The following CPXM2 variants were observed in gnomAD, a reference collection of about 807,000 sequenced individuals.
The protein encoded by CPXM2 is carboxypeptidase X, M14 family member 2.
Under a neutral mutation model 86.1 loss-of-function variants are expected in CPXM2, and 66 were observed. The ratio of observed to expected loss-of-function variants is 0.77; its 90% CI spans 0.63 to 0.94. CPXM2 has a LOEUF of 0.94. CPXM2 is among the 40% of genes least tolerant of loss of function. CPXM2 has a pLI of 0.00. For missense variants in CPXM2, 948 were observed against 1,026.3 expected (o/e 0.92, Z 1.04); for synonymous variants, 388 against 400.2 (o/e 0.97, Z 0.36).
intron 2 of CPXM2, among the ~76,000 whole-genome samples, chr10:123,871,504 C>T (rs1944896017): frequency 6.6e-6 from 1 of 152,190 alleles, no homozygotes; most frequent in South Asian, 2.1e-4. Context: ...CTATTATCAG[C>T]TTCAGAAATT....
Position 123,766,498 on chromosome 10 carries a change from A to T in CPXM2, c.1479+475T>A, listed in dbSNP as rs186234160. ...ATGGGAGAATTATTTCTTCTACAAC[A>T]TACTCTTTGTAAAACAAGACCTAAG... On this transcript the variant is annotated intron_variant, in intron 10 of 13. Coordinates refer to ENST00000241305, the MANE Select transcript of CPXM2 (RefSeq NM_198148.3). Among the ~76,000 whole-genome samples the T allele has an allele frequency of 5.5e-4, 84 of 152,366 alleles. No homozygotes were observed. The Middle Eastern group carries it at 0.034, about 62-fold the overall frequency.
rs140485162 is a variant in CPXM2, at chr10:123,762,041, C to T, written c.1608G>A (p.Thr536=). Residue 536 remains threonine (T), a synonymous_variant, in exon 11 of 14, where the codon ACG becomes ACA. Coordinates refer to ENST00000241305, the MANE Select transcript of CPXM2 (RefSeq NM_198148.3). ...PYDLVRSPWK[T]QEHTPTPDDH... ...CGTCGGGGGTGGGGGTGTGTTCCTG[C>T]GTCTTCCAGGGGGACCGCACCAGGT... 2.6e-5 allele frequency: 42 copies of T among 1,613,834 alleles called. No individual in the cohort carries two copies. Among genetic ancestry groups the T allele is most frequent in the Middle Eastern group, 1.6e-4 (1 of 6,082 alleles).
chr10:123,799,086 G>T, intron 5 of CPXM2, 29 bp downstream of exon 5: 1 of 1,612,774 alleles, frequency 6.2e-7, no homozygotes, highest in Non-Finnish European at 8.5e-7. Context: ...CAGGAAGAAA[G>T]GCATGGTTAA....
chr10:123,830,287 G>A (rs1179531006), intron 4 of CPXM2, among the ~76,000 whole-genome samples: 4 of 152,144 alleles, frequency 2.6e-5, no homozygotes, highest in African/African-American at 9.7e-5. Context: ...AGGTAAGATT[G>A]AGGAGCTACC....
Position 123,797,906 on chromosome 10 carries a change from T to C in CPXM2, c.889+70A>G. ...CCTGGTCTGCTTAGTTTATTTTTATTTGTCTTGGCTGGGCATCTGTTTTCC... is the reference window on the plus strand; with the variant it reads ...CCTGGTCTGCTTAGTTTATTTTTATCTGTCTTGGCTGGGCATCTGTTTTCC... On this transcript the variant is annotated intron_variant, in intron 6 of 13. Coordinates refer to ENST00000241305, the MANE Select transcript of CPXM2 (RefSeq NM_198148.3). 5 of 1,417,726 alleles carry C rather than the reference T, an allele frequency of 3.5e-6. No homozygotes were observed. The South Asian group carries it at 9.0e-5, about 26-fold the overall frequency. The allele number at this position is 1,417,726 out of a possible 1,614,324, so 87.8% of individuals were successfully genotyped here. A position where few individuals can be genotyped will look rare whatever the true frequency, so the allele number is the denominator to read the frequency against.
chr10:123,853,796 T>G (rs920033200), intron 3 of CPXM2, among the ~76,000 whole-genome samples: 5 of 152,000 alleles, frequency 3.3e-5, no homozygotes, highest in African/African-American at 1.2e-4. Context: ...TCCCAGCTAC[T>G]CAGGAGGCTG....
At chr10:123,874,750 C>T (rs1218510215) in intron 2 of CPXM2, among the ~76,000 whole-genome samples, 1 of 152,170 alleles carries the variant, frequency 6.6e-6, no homozygotes, top group Non-Finnish European at 1.5e-5. Context: ...AACAGAAGCA[C>T]GTGTGCTCAC....
At chr10:123,794,308 T>A (rs1847275286) in intron 6 of CPXM2, among the ~76,000 whole-genome samples, 1 of 152,038 alleles carries the variant, frequency 6.6e-6, no homozygotes, top group Admixed American at 6.6e-5. Context: ...CCCAAAGACA[T>A]CAAAGCCCCA....
intron 6 of CPXM2, among the ~76,000 whole-genome samples, chr10:123,788,012 G>C (rs181560234): frequency 6.6e-6 from 1 of 151,952 alleles, no homozygotes; most frequent in African/African-American, 2.4e-5. Context: ...GAGAGCGGTG[G>C]CTCATGCCTG....
intron 6 of CPXM2, among the ~76,000 whole-genome samples, chr10:123,795,431 GA>G (rs1406894277): frequency 6.6e-6 from 1 of 152,164 alleles, no homozygotes; most frequent in Non-Finnish European, 1.5e-5. Context: ...ACAGAACAAA[GA>G]GACGCAGAAG....
rs761447450 is a variant in CPXM2, at chr10:123,746,823, C to T, written c.2212G>A (p.Val738Ile). The T allele has an allele frequency of 1.5e-5, 24 of 1,614,080 alleles. No homozygotes were observed. The highest frequency in any genetic ancestry group is 1.6e-4 in the Middle Eastern group (1 of 6,084). The stretch of plus-strand genomic sequence containing the variant: ...TTCAGCCGCCTGGCTGGCAGGCTGA[C>T]GGGCTGCTTCCCAAACTTCTCCATG... ...EIMEKFGKQP[V>I]SLPARRLKLR... Residue 738 changes from valine to isoleucine, a missense_variant, in exon 14 of 14, where the codon GTC (valine) becomes ATC (isoleucine). Transcript: ENST00000241305.
chr10:123,748,702 A>C (rs905891548), intron 13 of CPXM2, among the ~76,000 whole-genome samples: 2 of 152,038 alleles, frequency 1.3e-5, no homozygotes, highest in Non-Finnish European at 2.9e-5. Flanking sequence ...CAACTAAATA[A>C]AATGCCACAT....
At chr10:123,790,658 G>A (rs1293288888) in intron 6 of CPXM2, among the ~76,000 whole-genome samples, 1 of 152,130 alleles carries the variant, frequency 6.6e-6, no homozygotes. Flanking sequence ...CACCTCAGCT[G>A]AGAAGGATTC....
intron 2 of CPXM2, among the ~76,000 whole-genome samples, chr10:123,930,372 G>A (rs1224431169): frequency 1.3e-5 from 2 of 152,240 alleles, no homozygotes; most frequent in Non-Finnish European, 2.9e-5. Flanking sequence ...ACTGGGGTGT[G>A]CTGCTTCCAG....
At chr10:123,804,028 T>G (rs551525468) in intron 4 of CPXM2, among the ~76,000 whole-genome samples, 1 of 152,208 alleles carries the variant, frequency 6.6e-6, no homozygotes, top group Non-Finnish European at 1.5e-5. Context: ...ATTTTCCTAT[T>G]GCACCAGAGT....
At position 123,746,986 on chromosome 10, in the gene CPXM2, G is replaced by T. The variant is rs1317421303; in HGVS notation, c.2049C>A (p.Asn683Lys). 6.2e-7 allele frequency: 1 copy of T among 1,614,112 alleles called. No individual in the cohort carries two copies. The highest frequency in any genetic ancestry group is 1.1e-5 in the South Asian group (1 of 91,076). Residue 683 changes from asparagine (N) to lysine (K), a missense_variant, in exon 14 of 14, where the codon AAC (asparagine) becomes AAA (lysine). Physicochemically the swap from Asn to Lys is moderately conservative, Grantham distance 94 (BLOSUM62 0). Transcript: ENST00000241305. ...TTGCTGTGACCACATACTCTCCAGG[G>T]TTCAGGAGGCGCCAGTAATCCCCAT... Reference protein sequence around the residue: ...ANDGDYWRLLNPGEYVVTAKA... With the variant: ...ANDGDYWRLLKPGEYVVTAKA...
At chr10:123,768,831 G>A (rs112510825) in intron 8 of CPXM2, 109 bp from the exon 9 acceptor site, 57 of 904,540 alleles carry the variant, frequency 6.3e-5, no homozygotes, top group African/African-American at 2.4e-4. Context: ...TAAGCTTACC[G>A]TTTTAGACCT....
In CPXM2 at chr10:123,938,735, C is replaced by A. The variant is rs769136641; in HGVS notation, n.174+742G>T. ...GCAGCCATCTTGCAGATACTCAGGG[C>A]CACCCGTATACGCTCTGGTCTATGG... On this transcript the variant is annotated intron_variant and non_coding_transcript_variant, in intron 2 of 19. Coordinates refer to the CPXM2 transcript ENST00000368854. Among the ~76,000 whole-genome samples the A allele has an allele frequency of 5.3e-5, 8 of 152,180 alleles. No individual in the cohort carries two copies. The South Asian group carries it at 6.2e-4, about 12-fold the overall frequency.
intron 2 of CPXM2, among the ~76,000 whole-genome samples, chr10:123,931,356 G>A (rs2134287007): frequency 6.6e-6 from 1 of 152,320 alleles, no homozygotes; most frequent in South Asian, 2.1e-4. Context: ...ATGAGTTTGT[G>A]GAGGAGGACA....
Sources: allele counts gnomAD v4.1 joint callset (sites outside exome capture counted in the v4.1 genomes callset), GRCh38; gene constraint gnomAD v4.1.1; transcripts MANE v1.5; gene names NCBI Gene and HGNC (gene_info 2026-07-23, HGNC 2026-07-21).